The following RASGRF1 variants were observed in gnomAD, a reference collection of about 807,000 sequenced individuals.
The protein encoded by RASGRF1 is ras-specific guanine nucleotide-releasing factor 1.
Under a neutral mutation model 138.7 loss-of-function variants are expected in RASGRF1, and 40 were observed. The observed-to-expected ratio is 0.29, with a 90% CI of 0.22 to 0.38. The LOEUF is 0.38. Among genes scored for constraint, RASGRF1 ranks in the 10% least tolerant of loss-of-function variants. The pLI is 1.00. For missense variants in RASGRF1, 1,108 were observed against 1,650.4 expected, an observed-to-expected ratio of 0.67 and a Z score of 5.69; for synonymous variants, 614 against 663.2, an observed-to-expected ratio of 0.93 and a Z score of 1.14.
intron 15 of RASGRF1, 78 bp from the exon 16 acceptor site, chr15:79,001,865 G>A (rs1595888809): frequency 4.7e-6 from 5 of 1,063,690 alleles, no homozygotes; most frequent in Non-Finnish European, 6.1e-6. Context: ...TAAAATTTAT[G>A]TCTATAATTT....
In RASGRF1 at chr15:79,064,988, C is replaced by G. The variant is rs4778866; in HGVS notation, c.277-462G>C. Reference sequence around the variant, plus strand: ...CAGACACGGTCCCTGTAAGAGCCCACTGAAAGCCACCTCTGTGTTGGGTGC... The same window carrying G: ...CAGACACGGTCCCTGTAAGAGCCCAGTGAAAGCCACCTCTGTGTTGGGTGC... On this transcript the variant is annotated intron_variant, in intron 1 of 26. Coordinates refer to ENST00000558480, the MANE Select transcript of RASGRF1 (RefSeq NM_001145648.3). Among the ~76,000 whole-genome samples the G allele has an allele frequency of 3.3e-3, 495 of 152,164 alleles. 8 individuals carry two copies. Among genetic ancestry groups the G allele is most frequent in the African/African-American group, 0.011 (472 of 41,500 alleles).
At chr15:79,072,079 G>A (rs1313726089) in intron 1 of RASGRF1, among the ~76,000 whole-genome samples, 1 of 152,038 alleles carries the variant, frequency 6.6e-6, no homozygotes, top group Non-Finnish European at 1.5e-5. Context: ...GAGGAAGGAG[G>A]AGTCACAGGC....
intron 25 of RASGRF1, among the ~76,000 whole-genome samples, 156 bp from the exon 26 acceptor site, chr15:78,972,090 T>A (rs986573881): frequency 1.3e-5 from 2 of 151,910 alleles, no homozygotes; most frequent in Admixed American, 1.3e-4. Context: ...GCATCATGTG[T>A]GTTTGTTTTT....
At position 79,006,469 on chromosome 15, in the gene RASGRF1, G is replaced by A. The variant is rs2056676784; in HGVS notation, c.1827-35C>T. ...GAGGAAGGATGCAGAGGTGATGTGG[G>A]TCTAAAGGCATCTGAATGGCACCCA... On this transcript the variant is annotated intron_variant, in intron 13 of 26. Transcript: ENST00000558480. This position sits in a 1 kb window ranked among gnomAD's most constrained non-coding sequence, Gnocchi z 4.0. 2 of 1,590,236 alleles carry A rather than the reference G, an allele frequency of 1.3e-6. No homozygotes were observed. The highest frequency in any genetic ancestry group is 1.3e-5 in the African/African-American group (1 of 74,800).
intron 24 of RASGRF1, chr15:78,978,938 A>G: frequency 7.8e-7 from 1 of 1,281,840 alleles, no homozygotes; most frequent in Non-Finnish European, 1.0e-6. Context: ...ACGGGCCCAC[A>G]GGCCACCTGA....
rs1437077116 is a variant in RASGRF1, at chr15:79,006,539, G to A, written c.1827-105C>T. 9 of 1,375,654 alleles carry A rather than the reference G, an allele frequency of 6.5e-6. No individual in the cohort carries two copies. The South Asian group carries it at 1.2e-4, about 19-fold the overall frequency. The allele number at this position is 1,375,654 out of a possible 1,614,324, so 85.2% of individuals were successfully genotyped here. On this transcript the variant is annotated intron_variant, in intron 13 of 26. Transcript: ENST00000558480. This position sits in a 1 kb window ranked among gnomAD's most constrained non-coding sequence, Gnocchi z 4.0. ...CTTCCCCCACACACTGACAACACAG[G>A]ATGGTCTTATTAAGAGAACAAGCTT...
chr15:78,986,682 A>T (rs1595872512), intron 22 of RASGRF1, among the ~76,000 whole-genome samples: 1 of 151,944 alleles, frequency 6.6e-6, no homozygotes, highest in East Asian at 1.9e-4. Context: ...ATAAAAAGTT[A>T]AAAAAAAGAC....
At chr15:79,072,721 C>T (rs2057778849) in intron 1 of RASGRF1, among the ~76,000 whole-genome samples, 1 of 152,196 alleles carries the variant, frequency 6.6e-6, no homozygotes, top group Non-Finnish European at 1.5e-5. Context: ...GAACTCCCAC[C>T]TGAGCTTCCT....
At chr15:78,972,761 G>A (rs2055792754) in intron 25 of RASGRF1, among the ~76,000 whole-genome samples, 2 of 152,148 alleles carry the variant, frequency 1.3e-5, no homozygotes, top group Admixed American at 1.3e-4. Context: ...TTAGAATCCT[G>A]TTCCTAATGG....
In RASGRF1 at chr15:79,046,822, G is replaced by A. The variant is rs1166184207; in HGVS notation, c.802C>T (p.Arg268Cys). ...GAGCTGGCGGCCATCCGCAGCGGGCGCAGGAAATTGTTGACAAGGATGTGC... is the reference window on the plus strand; with the variant it reads ...GAGCTGGCGGCCATCCGCAGCGGGCACAGGAAATTGTTGACAAGGATGTGC... ...QLHILVNNFLRPLRMAASSKK... is the reference protein window; with the variant it reads ...QLHILVNNFLCPLRMAASSKK... Residue 268 changes from arginine (R) to cysteine (C), a missense_variant, in exon 5 of 27, where the codon CGC becomes TGC. By Grantham distance (180) the Arg-to-Cys change is radical. Around this residue, in one of 3 missense-constraint regions of RASGRF1, gnomAD observed 169 missense variants for 344.2 expected, o/e 0.49. Transcript: ENST00000558480. This position sits in a 1 kb window ranked among gnomAD's most constrained non-coding sequence, Gnocchi z 5.3. 1.9e-6 allele frequency: 3 copies of A among 1,614,230 alleles called. No homozygotes were observed. Among genetic ancestry groups the A allele is most frequent in the Non-Finnish European group, 2.5e-6 (3 of 1,180,046 alleles).
intron 1 of RASGRF1, among the ~76,000 whole-genome samples, chr15:79,085,269 T>A (rs2057964881): frequency 6.6e-6 from 1 of 152,168 alleles, no homozygotes; most frequent in Admixed American, 6.5e-5. Flanking sequence ...GTGGAGGGAA[T>A]GGCTTCTGCC....
At chr15:78,989,741 C>A (rs2056230915) in intron 22 of RASGRF1, among the ~76,000 whole-genome samples, 1 of 152,118 alleles carries the variant, frequency 6.6e-6, no homozygotes, top group African/African-American at 2.4e-5. Flanking sequence ...CATTGTCCAG[C>A]CAAATATTGC....
chr15:79,059,171 TCCCTA>T (rs201428982), intron 2 of RASGRF1, among the ~76,000 whole-genome samples: 1 of 149,458 alleles, frequency 6.7e-6, no homozygotes, highest in African/African-American at 2.5e-5. Context: ...TCCCTTCCCT[TCCCTA>T]TCCTTCCCTT....
At position 79,025,288 on chromosome 15, in the gene RASGRF1, C is replaced by T. The variant is rs558332113; in HGVS notation, c.1542+26G>A. 5.7e-6 allele frequency: 9 copies of T among 1,568,810 alleles called. No individual in the cohort carries two copies. In the Admixed American group the frequency reaches 1.6e-4, roughly 28 times the overall value. ...CTGCATGACCCTAGCTGGGCAGCCC[C>T]CAAGCCCCTCTCCCGTAGCCCTTAC... is the stretch of plus-strand genomic sequence containing the variant. On this transcript the variant is annotated intron_variant, in intron 10 of 26. Coordinates refer to ENST00000558480, the MANE Select transcript of RASGRF1 (RefSeq NM_001145648.3).
chr15:78,984,212 GAC>G lies in RASGRF1; in HGVS notation c.3414+793_3414+794del, dbSNP rs554140421. ...CAGCCCACCCAGCGTCAGGATGACA[GAC>G]ACTGCTGCCAAGGGATTGTGCTTGG... On this transcript the variant is annotated intron_variant, in intron 23 of 26. Coordinates refer to ENST00000558480, the MANE Select transcript of RASGRF1 (RefSeq NM_001145648.3). Among the ~76,000 whole-genome samples, 12 of 152,332 alleles carry G rather than the reference GAC, an allele frequency of 7.9e-5. No individual in the cohort carries two copies. In the South Asian group the frequency reaches 2.5e-3, roughly 32 times the overall value.
intron 10 of RASGRF1, among the ~76,000 whole-genome samples, chr15:79,024,560 A>G (rs181656323): frequency 5.9e-5 from 9 of 152,306 alleles, no homozygotes; most frequent in Admixed American, 5.2e-4. Context: ...GGAGGGACCC[A>G]GTGGGAGGTA....
chr15:79,046,927 G>A lies in RASGRF1; in HGVS notation c.697C>T (p.Pro233Ser). The A allele has an allele frequency of 1.2e-6, 2 of 1,614,104 alleles. No individual in the cohort carries two copies. Among genetic ancestry groups the A allele is most frequent in the Non-Finnish European group, 1.7e-6 (2 of 1,180,036 alleles). Residue 233 changes from proline (P) to serine (S), a missense_variant, in exon 5 of 27, where the codon CCC (proline) becomes TCC (serine). Physicochemically the swap from Pro to Ser is moderately conservative, Grantham distance 74. Around this residue, in one of 3 missense-constraint regions of RASGRF1, gnomAD observed 253 missense variants for 329.5 expected, o/e 0.77. Transcript: ENST00000558480. The surrounding 1 kb of genome is among the most constrained non-coding windows in gnomAD (Gnocchi z 5.3). Reference sequence around the variant, plus strand: ...CTCTTGCGCATGCTGTCAGCATGGGGTGACCGGATGTAGTCCTGGATGATG... The same window carrying A: ...CTCTTGCGCATGCTGTCAGCATGGGATGACCGGATGTAGTCCTGGATGATG... ...KTIIQDYIRS[P>S]HADSMRKRNQ...
At position 79,031,358 on chromosome 15, in the gene RASGRF1, G is replaced by T. The variant is rs373103349; in HGVS notation, c.1262+42C>A. 4.8e-6 allele frequency: 7 copies of T among 1,468,428 alleles called. No individual in the cohort carries two copies. The African/African-American group carries it at 8.4e-5, about 18-fold the overall frequency. The allele number at this position is 1,468,428 out of a possible 1,614,324, so 91.0% of individuals were successfully genotyped here. A position where few individuals can be genotyped will look rare whatever the true frequency, so the allele number is the denominator to read the frequency against. On this transcript the variant is annotated intron_variant, in intron 8 of 26. Coordinates refer to ENST00000558480, the MANE Select transcript of RASGRF1 (RefSeq NM_001145648.3). ...CCTGGTGAGGGGCACCCTCAGCCCT[G>T]CCCTGTCTGCCGGTCTGGTGCACTG...
intron 13 of RASGRF1, among the ~76,000 whole-genome samples, chr15:79,007,991 C>A (rs559281572): frequency 6.6e-6 from 1 of 151,770 alleles, no homozygotes; most frequent in Non-Finnish European, 1.5e-5. Flanking sequence ...TACAGGCATG[C>A]GCCACCACGC....
Sources: allele counts gnomAD v4.1 joint callset (sites outside exome capture counted in the v4.1 genomes callset), GRCh38; gene constraint gnomAD v4.1.1; regional missense constraint gnomAD v4.1.1; non-coding constraint Gnocchi (gnomAD v3.1); transcripts MANE v1.5; gene names NCBI Gene and HGNC (gene_info 2026-07-23, HGNC 2026-07-21).